Variants in SYNRG observed in about 807,000 individuals in gnomAD.
SYNRG encodes AP1 gamma subunit binding protein 1.
In SYNRG, 37 loss-of-function variants were observed where a neutral mutation model predicts 130.9. The observed-to-expected ratio is 0.28, with a 90% CI of 0.22 to 0.37. The LOEUF (loss-of-function observed/expected upper bound fraction) is 0.37, where lower values mean the gene tolerates loss of function less well. SYNRG is among the 10% of genes least tolerant of loss of function. The pLI, the probability that SYNRG is intolerant of heterozygous loss-of-function variation, is 1.00. For synonymous variants in SYNRG, 539 were observed against 568.1 expected (o/e 0.95, Z 0.73); for missense variants, 1,338 against 1,588.9 (o/e 0.84, Z 2.68).
Position 37,553,051 on chromosome 17 carries a change from C to T in SYNRG, c.2608+64G>A, listed in dbSNP as rs1223338187. The T allele has an allele frequency of 2.0e-6, 3 of 1,485,308 alleles. No homozygotes were observed. The African/African-American group carries it at 4.2e-5, about 21-fold the overall frequency. The allele number at this position is 1,485,308 out of a possible 1,614,324, so 92.0% of individuals were successfully genotyped here. A position where few individuals can be genotyped will look rare whatever the true frequency, so the allele number is the denominator to read the frequency against. Reference sequence around the variant, plus strand: ...CCAGAGCCTTACTCATGTAAATCAACACCCGCAGAATCATCTTTGAAATCT... The same window carrying T: ...CCAGAGCCTTACTCATGTAAATCAATACCCGCAGAATCATCTTTGAAATCT... On this transcript the variant is annotated intron_variant, in intron 14 of 21. Coordinates refer to ENST00000612223, the MANE Select transcript of SYNRG (RefSeq NM_007247.6).
At chr17:37,587,463 A>G (rs2061784183) in intron 3 of SYNRG, among the ~76,000 whole-genome samples, 1 of 152,182 alleles carries the variant, frequency 6.6e-6, no homozygotes, top group African/African-American at 2.4e-5. Flanking sequence ...TCTCATTTGG[A>G]GACTGCTACT....
At chr17:37,573,042 GT>G (rs1196860154) in intron 8 of SYNRG, among the ~76,000 whole-genome samples, 1 of 152,150 alleles carries the variant, frequency 6.6e-6, no homozygotes, top group Non-Finnish European at 1.5e-5. Flanking sequence ...CAGAGAAACT[GT>G]TTAAAACAAA....
At chr17:37,605,219 CAT>C in intron 1 of SYNRG, among the ~76,000 whole-genome samples, 1 of 152,316 alleles carries the variant, frequency 6.6e-6, no homozygotes, top group East Asian at 1.9e-4. Flanking sequence ...AGACATTACT[CAT>C]ATGCTAAAAT....
At chr17:37,525,850 C>T (rs2055825731) in intron 19 of SYNRG, among the ~76,000 whole-genome samples, 1 of 152,236 alleles carries the variant, frequency 6.6e-6, no homozygotes, top group Non-Finnish European at 1.5e-5. Flanking sequence ...CCTGTAATCC[C>T]AGCTATTCAG....
chr17:37,607,100 T>C (rs1370261379), intron 1 of SYNRG, among the ~76,000 whole-genome samples: 1 of 152,222 alleles, frequency 6.6e-6, no homozygotes, highest in Non-Finnish European at 1.5e-5. Context: ...ATATGTACCA[T>C]ACATTTTTCA....
Position 37,520,633 on chromosome 17 carries a change from G to T in SYNRG, c.3682C>A (p.Leu1228Met). The T allele has an allele frequency of 6.2e-7, 1 of 1,614,196 alleles. No homozygotes were observed. Among genetic ancestry groups the T allele is most frequent in the Non-Finnish European group, 8.5e-7 (1 of 1,180,036 alleles). Residue 1228 changes from leucine (L) to methionine (M), a missense_variant, in exon 20 of 22, where the codon CTG becomes ATG. Around this residue, in one of 3 missense-constraint regions of SYNRG, gnomAD observed 1,146 missense variants for 1,342.3 expected, o/e 0.85. Coordinates refer to ENST00000612223, the MANE Select transcript of SYNRG (RefSeq NM_007247.6). Reference protein sequence around the residue: ...LATLTPDENSLDFSSCMLRPG... With the variant: ...LATLTPDENSMDFSSCMLRPG... ...CGTAACATACAGGAGGAAAAATCCA[G>T]CGAGTTTTCATCTGGCTGTGAGGAC... is the stretch of plus-strand genomic sequence containing the variant.
intron 15 of SYNRG, chr17:37,541,009 T>TA (rs1482620834): frequency 1.0e-6 from 1 of 986,836 alleles, no homozygotes; most frequent in African/African-American, 1.7e-5. Flanking sequence ...TCTGGGAAGC[T>TA]ACATGTTAAA....
chr17:37,568,560 A>G, intron 11 of SYNRG: 1 of 415,184 alleles, frequency 2.4e-6, no homozygotes, highest in East Asian at 3.8e-5. Context: ...GGTAAAAAAG[A>G]ATATTGGCAG....
chr17:37,562,639 G>C (rs751191302), intron 11 of SYNRG, among the ~76,000 whole-genome samples: 1 of 152,148 alleles, frequency 6.6e-6, no homozygotes, highest in Non-Finnish European at 1.5e-5. Flanking sequence ...TGCTAATGGG[G>C]TACACAGTCC....
At chr17:37,589,950 C>A (rs1598567080) in intron 3 of SYNRG, among the ~76,000 whole-genome samples, 1 of 151,914 alleles carries the variant, frequency 6.6e-6, no homozygotes, top group Admixed American at 6.6e-5. Context: ...GCAGGCAGAT[C>A]ACTTGAGGCC....
At chr17:37,561,294 G>A (rs2059514130) in intron 12 of SYNRG, 37 bp from the exon 13 acceptor site, 1 of 1,603,252 alleles carries the variant, frequency 6.2e-7, no homozygotes, top group African/African-American at 1.3e-5. Context: ...TTAAGGTTAG[G>A]AATCTTGAAA....
intron 6 of SYNRG, among the ~76,000 whole-genome samples, chr17:37,582,495 A>G (rs975152017): frequency 6.6e-6 from 1 of 152,174 alleles, no homozygotes; most frequent in Non-Finnish European, 1.5e-5. Flanking sequence ...GGAATGTGTG[A>G]CTTCTACATG....
chr17:37,595,031 G>A (rs188368627), intron 3 of SYNRG, among the ~76,000 whole-genome samples: 25 of 152,256 alleles, frequency 1.6e-4, no homozygotes, highest in Non-Finnish European at 3.1e-4. Flanking sequence ...TATGTATCAC[G>A]AGTGAGGAAT....
chr17:37,592,469 T>C (rs541054672), intron 3 of SYNRG, among the ~76,000 whole-genome samples: 1 of 152,320 alleles, frequency 6.6e-6, no homozygotes, highest in African/African-American at 2.4e-5. Flanking sequence ...TGAGGACATA[T>C]GTTCACGCAA....
intron 19 of SYNRG, among the ~76,000 whole-genome samples, chr17:37,530,418 G>A (rs917445713): frequency 2.6e-5 from 4 of 152,182 alleles, no homozygotes; most frequent in Admixed American, 1.3e-4. Flanking sequence ...CACAAATGGT[G>A]ACACATCCTT....
intron 8 of SYNRG, among the ~76,000 whole-genome samples, chr17:37,575,419 A>G (rs1356573955): frequency 2.0e-5 from 3 of 152,194 alleles, no homozygotes; most frequent in African/African-American, 7.2e-5. Flanking sequence ...CATGTACTCC[A>G]TAAAAATATA....
At chr17:37,544,080 C>A (rs1334901357) in intron 14 of SYNRG, among the ~76,000 whole-genome samples, 3 of 152,200 alleles carry the variant, frequency 2.0e-5, no homozygotes, top group Non-Finnish European at 4.4e-5. Flanking sequence ...CTGACATTTC[C>A]ATAGCTCTTC....
intron 13 of SYNRG, among the ~76,000 whole-genome samples, chr17:37,555,506 A>T (rs1057500962): frequency 9.8e-5 from 15 of 152,358 alleles, no homozygotes; most frequent in African/African-American, 3.6e-4. Context: ...CAGCATCAGG[A>T]TACAGATGAT....
At chr17:37,603,802 G>C (rs7217420) in intron 1 of SYNRG, among the ~76,000 whole-genome samples, 147,677 of 152,326 alleles carry the variant, frequency 0.97, 71,616 homozygotes, top group Middle Eastern at 1. Flanking sequence ...AAAGCCCTGA[G>C]ATTTTCATAG....
Sources: gnomAD v4.1 joint callset for allele counts (sites outside exome capture counted in the v4.1 genomes callset) on GRCh38, gnomAD v4.1.1 for gene constraint, gnomAD v4.1.1 regional missense constraint, MANE v1.5 for transcripts, NCBI Gene and HGNC (gene_info 2026-07-23, HGNC 2026-07-21) for gene names.